The following VPS37A variants were observed in gnomAD, a reference collection of about 807,000 sequenced individuals.
VPS37A encodes the protein vacuolar protein sorting-associated protein 37A.
VPS37A carries 30 observed loss-of-function variants against 49.8 expected under a neutral mutation model. The observed-to-expected ratio is 0.60, with a 90% CI of 0.45 to 0.82. VPS37A has a LOEUF of 0.82. VPS37A is among the 40% of genes least tolerant of loss of function. The pLI is 0.00. For synonymous variants in VPS37A, 195 were observed against 160.6 expected (o/e 1.21, Z -1.62); for missense variants, 593 against 464.4 (o/e 1.28, Z -2.55).
the VPS37A span, among the ~76,000 whole-genome samples, chr8:17,313,984 G>C: frequency 6.6e-6 from 1 of 152,148 alleles, no homozygotes; most frequent in African/African-American, 2.4e-5. Flanking sequence ...TCCAATTCTA[G>C]AGCATCAGGG....
chr8:17,289,099 A>T (rs1364212715), intron 11 of VPS37A, among the ~76,000 whole-genome samples: 1 of 152,158 alleles, frequency 6.6e-6, no homozygotes, highest in East Asian at 1.9e-4. Flanking sequence ...TAGATTCTGG[A>T]TATTAGCCCT....
At chr8:17,309,221 T>G in the VPS37A span, 22 of 1,179,912 alleles carry the variant, frequency 1.9e-5, no homozygotes, top group African/African-American at 9.3e-5. Flanking sequence ...CAATTGAAAT[T>G]TTCAGAAACA....
chr8:17,323,341 C>T, the VPS37A span, among the ~76,000 whole-genome samples: 1 of 152,078 alleles, frequency 6.6e-6, no homozygotes, highest in South Asian at 2.1e-4. Flanking sequence ...CTTGACTCCA[C>T]TTTCCATATT....
chr8:17,293,915 A>C (rs988866239), intron 11 of VPS37A, among the ~76,000 whole-genome samples: 3 of 152,340 alleles, frequency 2.0e-5, no homozygotes, highest in East Asian at 3.9e-4. Context: ...TCTGCCTGTC[A>C]GGAGGCACGG....
At chr8:17,302,042 G>A, downstream of VPS37A, 17 of 1,421,660 alleles carry the variant, frequency 1.2e-5, no homozygotes, top group Non-Finnish European at 1.6e-5. Context: ...GTGTTCTACT[G>A]ACTAAAAATG....
At chr8:17,303,552 A>G (rs771212513), downstream of VPS37A, among the ~76,000 whole-genome samples, 1 of 151,900 alleles carries the variant, frequency 6.6e-6, no homozygotes, top group Non-Finnish European at 1.5e-5. Flanking sequence ...TCTAGCACAT[A>G]CCTAGTAGAA....
downstream of VPS37A, chr8:17,302,024 T>C: frequency 8.4e-7 from 1 of 1,191,412 alleles, no homozygotes; most frequent in South Asian, 1.4e-5. Context: ...GATGGGGTTG[T>C]GTTTCAGGTG....
the VPS37A span, among the ~76,000 whole-genome samples, chr8:17,323,420 A>G: frequency 6.6e-6 from 1 of 152,126 alleles, no homozygotes; most frequent in Admixed American, 6.5e-5. Flanking sequence ...ACAGGAACCA[A>G]ACTGAAGGTA....
the VPS37A span, among the ~76,000 whole-genome samples, chr8:17,330,081 A>G: frequency 3.3e-5 from 5 of 152,240 alleles, no homozygotes; most frequent in African/African-American, 1.2e-4. Context: ...TCAAAGTTTC[A>G]TAATGACTGA....
At chr8:17,259,702 GTCTTTC>G in intron 1 of VPS37A, among the ~76,000 whole-genome samples, 1 of 152,158 alleles carries the variant, frequency 6.6e-6, no homozygotes, top group Middle Eastern at 3.4e-3. Flanking sequence ...ATTGCAATCT[GTCTTTC>G]TCTTTAGGTT....
At chr8:17,269,664 T>C (rs1367120745) in intron 4 of VPS37A, among the ~76,000 whole-genome samples, 1 of 152,206 alleles carries the variant, frequency 6.6e-6, no homozygotes, top group South Asian at 2.1e-4. Flanking sequence ...TTTGAGTAAC[T>C]CTCACCAGGA....
the VPS37A span, chr8:17,313,533 AAAAT>A: frequency 3.5e-6 from 2 of 567,016 alleles, no homozygotes; most frequent in South Asian, 6.0e-5. Flanking sequence ...GCCTTAAGTC[AAAAT>A]AAATACCCAC....
intron 2 of VPS37A, among the ~76,000 whole-genome samples, chr8:17,266,486 T>C (rs747285204): frequency 5.3e-5 from 8 of 152,154 alleles, no homozygotes; most frequent in Non-Finnish European, 1.2e-4. Context: ...TTACAAAAAG[T>C]TGGACAAAGT....
At chr8:17,319,708 G>A in the VPS37A span, among the ~76,000 whole-genome samples, 2 of 152,146 alleles carry the variant, frequency 1.3e-5, no homozygotes, top group African/African-American at 4.8e-5. Context: ...GCAAACAGAG[G>A]CTAAGTGCTT....
intron 10 of VPS37A, among the ~76,000 whole-genome samples, chr8:17,285,105 A>C (rs1815468950): frequency 6.6e-6 from 1 of 152,090 alleles, no homozygotes. Context: ...CATACTCATG[A>C]GTGAAAAACA....
chr8:17,302,435 AT>A (rs1454163690), downstream of VPS37A: 2 of 763,946 alleles, frequency 2.6e-6, no homozygotes, highest in African/African-American at 3.6e-5. Context: ...TAATAATTTC[AT>A]GTTGATGTTT....
At chr8:17,304,599 G>C, downstream of VPS37A, 7 of 1,456,792 alleles carry the variant, frequency 4.8e-6, no homozygotes, top group South Asian at 7.5e-5. Flanking sequence ...ATGCTGGAAA[G>C]GAACTAATAA....
downstream of VPS37A, chr8:17,301,779 C>T: frequency 4.1e-6 from 1 of 246,722 alleles, no homozygotes; most frequent in East Asian, 8.2e-5. Context: ...TCATAGTTAA[C>T]ATAATTTCTA....
chr8:17,318,936 G>A, the VPS37A span, among the ~76,000 whole-genome samples: 3 of 152,308 alleles, frequency 2.0e-5, no homozygotes, highest in East Asian at 5.8e-4. Context: ...CTGAAAACAA[G>A]AGCACTGCTC....
Sources: gnomAD v4.1 joint callset for allele counts (sites outside exome capture counted in the v4.1 genomes callset) on GRCh38, gnomAD v4.1.1 for gene constraint, MANE v1.5 for transcripts, NCBI Gene and HGNC (gene_info 2026-07-23, HGNC 2026-07-21) for gene names.